MTMR7: variants seen among roughly 807,000 people sequenced by gnomAD.
MTMR7 encodes myotubularin related protein 7, also known as phosphatidylinositol-3-phosphate phosphatase MTMR7.
A neutral mutation model predicts 81.2 loss-of-function variants in MTMR7; 76 were observed. That is an observed-to-expected ratio of 0.94 (90% CI 0.78 to 1.13). The LOEUF is 1.13. MTMR7 is among the 50% of genes most tolerant of loss of function. The probability of loss-of-function intolerance (pLI) is 0.00; values close to 1 mark genes in which losing one functional copy is unlikely to be tolerated. For missense variants in MTMR7, 1,044 were observed against 820.0 expected (o/e 1.27, Z -3.34); for synonymous variants, 372 against 289.8 (o/e 1.28, Z -2.88).
At chr8:17,390,012 G>T (rs1489269243) in intron 1 of MTMR7, among the ~76,000 whole-genome samples, 2 of 151,228 alleles carry the variant, frequency 1.3e-5, no homozygotes, top group Non-Finnish European at 2.9e-5. Context: ...TAAAGTCACT[G>T]CTCACATGGA....
chr8:17,397,813 G>T (rs1435584819), intron 1 of MTMR7, among the ~76,000 whole-genome samples: 1 of 152,166 alleles, frequency 6.6e-6, no homozygotes, highest in African/African-American at 2.4e-5. Context: ...TGTAGTCCCA[G>T]TGGTGGTGGC....
At chr8:17,385,941 C>G (rs1051440988) in intron 1 of MTMR7, among the ~76,000 whole-genome samples, 1 of 152,138 alleles carries the variant, frequency 6.6e-6, no homozygotes, top group African/African-American at 2.4e-5. Context: ...ATAGTCAATA[C>G]AATACAAAGC....
chr8:17,385,736 G>T (rs765003040), intron 1 of MTMR7, among the ~76,000 whole-genome samples: 1 of 152,092 alleles, frequency 6.6e-6, no homozygotes. Context: ...TCTCTGTCTT[G>T]CTCCTGCTCC....
At chr8:17,372,974 C>T in intron 2 of MTMR7, 144 bp downstream of exon 2, 1 of 951,638 alleles carries the variant, frequency 1.1e-6, no homozygotes, top group Admixed American at 2.8e-5. Context: ...CAGAAAAAGT[C>T]CAAACACACA....
intron 6 of MTMR7, chr8:17,338,685 G>A (rs556012603): frequency 6.6e-6 from 1 of 151,966 alleles, no homozygotes; most frequent in Non-Finnish European, 1.5e-5. Context: ...AAAAGCCAGA[G>A]ATTTTCTGGT....
At chr8:17,334,319 A>G (rs1819154662) in intron 6 of MTMR7, among the ~76,000 whole-genome samples, 2 of 152,246 alleles carry the variant, frequency 1.3e-5, no homozygotes, top group Non-Finnish European at 2.9e-5. Flanking sequence ...TGTGCGCAGT[A>G]AGATACGGCA....
intron 4 of MTMR7, among the ~76,000 whole-genome samples, chr8:17,350,598 A>C (rs1819701346): frequency 1.3e-5 from 2 of 152,118 alleles, no homozygotes; most frequent in South Asian, 4.1e-4. Flanking sequence ...GGGACACAGA[A>C]ACCCACATCA....
intron 10 of MTMR7, among the ~76,000 whole-genome samples, chr8:17,308,562 A>G (rs1159962662): frequency 6.6e-6 from 1 of 152,214 alleles, no homozygotes. Flanking sequence ...ATATCAAACT[A>G]ATGAAACTTG....
chr8:17,384,609 G>C (rs539559792), intron 1 of MTMR7, among the ~76,000 whole-genome samples: 1 of 152,276 alleles, frequency 6.6e-6, no homozygotes, highest in Non-Finnish European at 1.5e-5. Context: ...AAAAACTGAA[G>C]CTATAGCAAA....
rs549203666 is a variant in MTMR7 at position 17,377,751 on chromosome 8, T to A, written c.25-4511A>T. On this transcript the variant is annotated intron_variant, in intron 1 of 13. Coordinates refer to ENST00000180173, the MANE Select transcript of MTMR7 (RefSeq NM_004686.5). ...TCCTCATTCTTCTTTCTAGATGGTC[T>A]ATAATTGCACTTTTTATTTCTTCTT... Among the ~76,000 whole-genome samples the A allele has an allele frequency of 5.9e-5, 9 of 152,280 alleles. No homozygotes were observed. The East Asian group carries it at 1.7e-3, about 29-fold the overall frequency.
chr8:17,307,810 T>A (rs1817555127), intron 10 of MTMR7, among the ~76,000 whole-genome samples: 1 of 150,626 alleles, frequency 6.6e-6, no homozygotes, highest in African/African-American at 2.5e-5. Context: ...CACCACATGT[T>A]CTCACTCATA....
At chr8:17,389,237 T>C (rs1336956969) in intron 1 of MTMR7, among the ~76,000 whole-genome samples, 1 of 152,230 alleles carries the variant, frequency 6.6e-6, no homozygotes, top group Non-Finnish European at 1.5e-5. Flanking sequence ...GTGACCTCTC[T>C]GATCACTACT....
intron 1 of MTMR7, 96 bp from the exon 2 acceptor site, chr8:17,373,336 T>C: frequency 7.1e-7 from 1 of 1,406,348 alleles, no homozygotes; most frequent in Non-Finnish European, 9.4e-7. Context: ...TACTCCAAAA[T>C]ACAATTTTTT....
At chr8:17,300,462 A>G (rs1817041184) in intron 13 of MTMR7, among the ~76,000 whole-genome samples, 4 of 152,172 alleles carry the variant, frequency 2.6e-5, no homozygotes, top group Admixed American at 2.6e-4. Context: ...ATAATAAACA[A>G]TATAGCACAG....
intron 6 of MTMR7, among the ~76,000 whole-genome samples, chr8:17,337,366 A>ACC (rs1563344305): frequency 1.1e-4 from 16 of 151,090 alleles, no homozygotes; most frequent in African/African-American, 3.9e-4. Context: ...CCGTCCCAAA[A>ACC]AAAAAAAAAA....
intron 7 of MTMR7, among the ~76,000 whole-genome samples, chr8:17,329,925 G>C (rs1266556701): frequency 6.6e-6 from 1 of 152,116 alleles, no homozygotes; most frequent in Admixed American, 6.5e-5. Context: ...AATGGCTCTG[G>C]GGCTGAGATG....
chr8:17,386,836 A>C (rs929526492), intron 1 of MTMR7, among the ~76,000 whole-genome samples: 1 of 152,222 alleles, frequency 6.6e-6, no homozygotes, highest in African/African-American at 2.4e-5. Flanking sequence ...GCCACACACC[A>C]AAAAAACATA....
At chr8:17,338,056 G>A (rs1415586678) in intron 6 of MTMR7, among the ~76,000 whole-genome samples, 1 of 152,146 alleles carries the variant, frequency 6.6e-6, no homozygotes, top group Non-Finnish European at 1.5e-5. Context: ...CTACCAAGGA[G>A]GCCTAACACA....
chr8:17,301,938 A>T (rs185357913), intron 13 of MTMR7: 2 of 481,434 alleles, frequency 4.2e-6, no homozygotes, highest in Non-Finnish European at 3.5e-6. Context: ...AAATTTGTGG[A>T]ACTGAGCCAC....
Sources: gnomAD v4.1 joint callset for allele counts (sites outside exome capture counted in the v4.1 genomes callset) on GRCh38, gnomAD v4.1.1 for gene constraint, MANE v1.5 for transcripts, NCBI Gene and HGNC (gene_info 2026-07-23, HGNC 2026-07-21) for gene names.